CTBS: variants seen among roughly 807,000 people sequenced by gnomAD.
CTBS encodes the protein di-N-acetylchitobiase.
A neutral mutation model predicts 44.3 loss-of-function variants in CTBS; 35 were observed. The observed-to-expected ratio is 0.79, with a 90% CI of 0.60 to 1.05. The LOEUF (loss-of-function observed/expected upper bound fraction) is 1.05. Among genes scored for constraint, CTBS ranks in the 50% least tolerant of loss-of-function variants. The pLI, the probability that CTBS is intolerant of heterozygous loss-of-function variation, is 0.00. For synonymous variants in CTBS, 143 were observed against 168.0 expected (o/e 0.85, Z 1.15); for missense variants, 458 against 475.3 (o/e 0.96, Z 0.34).
chr1:84,568,198 T>C (rs1684732930), intron 3 of CTBS, among the ~76,000 whole-genome samples: 1 of 152,240 alleles, frequency 6.6e-6, no homozygotes, highest in South Asian at 2.1e-4. Flanking sequence ...GCTCAATCTC[T>C]TCCTCTCTGC....
At chr1:84,558,604 TA>T (rs112293082) in intron 6 of CTBS, among the ~76,000 whole-genome samples, 13,223 of 139,438 alleles carry the variant, frequency 0.095, 1,117 homozygotes, top group African/African-American at 0.23. Context: ...TTTTTTTAAT[TA>T]AAAAAAAAAA....
At chr1:84,557,487 C>T (rs546266728) in intron 6 of CTBS, among the ~76,000 whole-genome samples, 8 of 133,110 alleles carry the variant, frequency 6.0e-5, no homozygotes, top group Admixed American at 3.5e-4. Context: ...CAGCCGAGAT[C>T]GTGCCACTGC....
chr1:84,561,615 G>A (rs927983858), intron 6 of CTBS, among the ~76,000 whole-genome samples: 11 of 152,106 alleles, frequency 7.2e-5, no homozygotes, highest in African/African-American at 2.7e-4. Flanking sequence ...GAAATCTTTC[G>A]TGAAAGGAAG....
intron 1 of CTBS, among the ~76,000 whole-genome samples, chr1:84,571,168 A>G (rs886684512): frequency 6.6e-6 from 1 of 152,226 alleles, no homozygotes; most frequent in African/African-American, 2.4e-5. Flanking sequence ...GCATTTTAGA[A>G]AAATATTTTC....
chr1:84,574,327 A>G lies in CTBS; in HGVS notation c.89T>C (p.Leu30Pro). 6.4e-7 allele frequency: 1 copy of G among 1,563,198 alleles called. No individual in the cohort carries two copies. Among genetic ancestry groups the G allele is most frequent in the Non-Finnish European group, 8.7e-7 (1 of 1,154,352 alleles). The change falls in exon 1 of 7, where the codon CTG becomes CCG. Residue 30 changes from leucine to proline, a missense_variant. Coordinates refer to ENST00000370630, the MANE Select transcript of CTBS (RefSeq NM_004388.3). The stretch of plus-strand genomic sequence containing the variant: ...CCCGGCCGCGAGCCGCAGCGCCAGC[A>G]GCGCCAGCAGCGCCAGCAGCGCTAG... The part of the protein sequence containing the change: ...PGLALLALLA[L>P]LALRLAAGTD...
intron 3 of CTBS, 77 bp from the exon 4 acceptor site, chr1:84,566,089 AT>A: frequency 2.3e-6 from 2 of 860,438 alleles, no homozygotes; most frequent in Non-Finnish European, 1.6e-6. Flanking sequence ...AATTATATAT[AT>A]TTTTTACCTT....
In CTBS at chr1:84,552,032, A is replaced by AAG. The variant is rs1473390671; in HGVS notation, c.*2965_*2966dup. 1 of 152,190 alleles carries AAG rather than the reference A, an allele frequency of 6.6e-6. No individual in the cohort carries two copies. Among genetic ancestry groups the AAG allele is most frequent in the African/African-American group, 2.4e-5 (1 of 41,452 alleles). The allele number at this position is 152,190 out of a possible 1,614,324, so 9.4% of individuals were successfully genotyped here. On this transcript the variant is annotated 3_prime_UTR_variant, in exon 7 of 7. Transcript: ENST00000370630. ...AGGACAAGTGGAATAAGAGGAAAAAAAGAGAACAAAGTTTTCAGCTTATAG... is the reference window on the plus strand; with the variant it reads ...AGGACAAGTGGAATAAGAGGAAAAAAAGAGAGAACAAAGTTTTCAGCTTATAG...
Position 84,563,335 on chromosome 1 carries a change from C to A in CTBS, c.879G>T (p.Thr293=), listed in dbSNP as rs1055940606. ...TAGAACTATTTATTTGCTTCATGATCGTTTTGTAGGGCACCTGACGTCCTG... is the reference window on the plus strand; with the variant it reads ...TAGAACTATTTATTTGCTTCATGATAGTTTTGTAGGGCACCTGACGTCCTG... ...DAAGRQVPYK[T]IMKQINSSIS... is the part of the protein sequence containing the mutation. The change falls in exon 6 of 7, where the codon ACG becomes ACT. Residue 293 remains threonine (T), a synonymous_variant. Coordinates refer to ENST00000370630, the MANE Select transcript of CTBS (RefSeq NM_004388.3). 8 of 1,598,504 alleles carry A rather than the reference C, an allele frequency of 5.0e-6. No individual in the cohort carries two copies. In the African/African-American group the frequency reaches 8.1e-5, roughly 16 times the overall value.
chr1:84,570,174 G>T, intron 2 of CTBS, 35 bp from the exon 3 acceptor site: 1 of 1,542,690 alleles, frequency 6.5e-7, no homozygotes, highest in Non-Finnish European at 8.9e-7. Flanking sequence ...GAACATGTAT[G>T]CAAAAACATT....
chr1:84,560,948 G>A (rs78038688), intron 6 of CTBS, among the ~76,000 whole-genome samples: 1,963 of 152,282 alleles, frequency 0.013, 34 homozygotes, highest in African/African-American at 0.045. Flanking sequence ...GAGCTCTGAT[G>A]GAGAACACAA....
chr1:84,573,934 C>G, intron 1 of CTBS: 3 of 1,288,058 alleles, frequency 2.3e-6, no homozygotes, highest in Non-Finnish European at 3.0e-6. Flanking sequence ...CTTTTTACAC[C>G]CAGAGTGCTT....
rs1684233294 is a variant in CTBS at position 84,550,346 on chromosome 1, A to T, written c.*4653T>A. On this transcript the variant is annotated 3_prime_UTR_variant, in exon 7 of 7. Coordinates refer to ENST00000370630, the MANE Select transcript of CTBS (RefSeq NM_004388.3). ...TTCATGATTTACTCTTTTGATCTTT[A>T]TCATTTCATAGTTTATGTTCACAAG... 1 of 584,038 alleles carries T rather than the reference A, an allele frequency of 1.7e-6. No individual in the cohort carries two copies. Among genetic ancestry groups the T allele is most frequent in the African/African-American group, 2.0e-5 (1 of 51,120 alleles). 36.2% of individuals were successfully genotyped at this position (584,038 alleles called of 1,614,324 possible).
At position 84,550,881 on chromosome 1, in the gene CTBS, G is replaced by A. The variant is rs969557547; in HGVS notation, c.*4118C>T. On this transcript the variant is annotated 3_prime_UTR_variant, in exon 7 of 7. Transcript: ENST00000370630. Reference sequence around the variant, plus strand: ...AAACCACTGAGCTCTCCTCTGAACTGACATTTAATTTTTTATGGGTAATCG... The same window carrying A: ...AAACCACTGAGCTCTCCTCTGAACTAACATTTAATTTTTTATGGGTAATCG... 1.9e-4 allele frequency: 189 copies of A among 983,944 alleles called. 3 individuals are homozygous for A. Among genetic ancestry groups the A allele is most frequent in the Admixed American group, 3.1e-4 (5 of 16,298 alleles). The allele number at this position is 983,944 out of a possible 1,614,324, so 61.0% of individuals were successfully genotyped here.
chr1:84,557,332 AG>A (rs1167497494), intron 6 of CTBS, among the ~76,000 whole-genome samples: 2 of 152,122 alleles, frequency 1.3e-5, no homozygotes, highest in African/African-American at 2.4e-5. Context: ...CAGGAGTTCA[AG>A]ACCAGCCTGG....
chr1:84,573,263 G>T (rs1388726852), intron 1 of CTBS, among the ~76,000 whole-genome samples: 1 of 152,194 alleles, frequency 6.6e-6, no homozygotes, highest in Non-Finnish European at 1.5e-5. Context: ...ATTTTCCTTT[G>T]CTTCCCTGTT....
At chr1:84,566,899 T>C (rs1362790814) in intron 3 of CTBS, among the ~76,000 whole-genome samples, 1 of 152,206 alleles carries the variant, frequency 6.6e-6, no homozygotes, top group Non-Finnish European at 1.5e-5. Context: ...CCTCCCAAAG[T>C]GCTTACAGGC....
intron 3 of CTBS, among the ~76,000 whole-genome samples, chr1:84,567,648 AT>A: frequency 6.6e-6 from 1 of 152,274 alleles, no homozygotes; most frequent in Non-Finnish European, 1.5e-5. Flanking sequence ...CAAAGTTATT[AT>A]CTTATTCCCA....
chr1:84,552,662 GT>G lies in CTBS; in HGVS notation c.*2336del. ...CGTTCCTAAGGGCTAGGAATTAAGG[GT>G]TTTTTTTGTATTTTGTTTTCTTGTT... On this transcript the variant is annotated 3_prime_UTR_variant, in exon 7 of 7. Coordinates refer to ENST00000370630, the MANE Select transcript of CTBS (RefSeq NM_004388.3). 4.3e-5 allele frequency: 7 copies of G among 163,124 alleles called. No homozygotes were observed. The highest frequency in any genetic ancestry group is 1.7e-4 in the South Asian group (1 of 5,816). The allele number at this position is 163,124 out of a possible 1,614,324, so 10.1% of individuals were successfully genotyped here.
At chr1:84,564,545 G>T (rs1415388346) in intron 4 of CTBS, among the ~76,000 whole-genome samples, 1 of 152,132 alleles carries the variant, frequency 6.6e-6, no homozygotes, top group Non-Finnish European at 1.5e-5. Context: ...TAGTTTGGTT[G>T]TTGATTTATT....
Sources: gnomAD v4.1 joint callset for allele counts (sites outside exome capture counted in the v4.1 genomes callset) on GRCh38, gnomAD v4.1.1 for gene constraint, MANE v1.5 for transcripts, NCBI Gene and HGNC (gene_info 2026-07-23, HGNC 2026-07-21) for gene names.